ST3GAL4: variants seen among roughly 807,000 people sequenced by gnomAD.
ST3GAL4 encodes ST3 beta-galactoside alpha-2,3-sialyltransferase 4, also known as CMP-N-acetylneuraminate-beta-galactosamide-alpha-2,3-sialyltransferase 4.
A neutral mutation model predicts 42.6 loss-of-function variants in ST3GAL4; 24 were observed. The observed-to-expected ratio is 0.56, with a 90% CI of 0.41 to 0.79. The LOEUF (loss-of-function observed/expected upper bound fraction) is 0.79, where lower values mean the gene tolerates loss of function less well. Ranked by LOEUF, ST3GAL4 falls within the 30% of genes least tolerant of loss-of-function variation. The probability of loss-of-function intolerance (pLI) is 0.00; values close to 1 mark genes in which losing one functional copy is unlikely to be tolerated. For missense variants in ST3GAL4, 311 were observed against 430.8 expected, an observed-to-expected ratio of 0.72 and a Z score of 2.46; for synonymous variants, 135 against 163.2, an observed-to-expected ratio of 0.83 and a Z score of 1.32.
At position 126,409,488 on chromosome 11, in the gene ST3GAL4, GC is replaced by G; in HGVS notation, c.771+80del. ...AGGGATGATCCTATGGGCTTAGGAAGCCCTGGAAGGATCCCATAACAGAGGC... is the reference window on the plus strand; with the variant it reads ...AGGGATGATCCTATGGGCTTAGGAAGCCTGGAAGGATCCCATAACAGAGGC... On this transcript the variant is annotated intron_variant, in intron 9 of 10. Transcript: ENST00000444328. The surrounding 1 kb of genome is among the most constrained non-coding windows in gnomAD (Gnocchi z 4.9). 6.3e-7 allele frequency: 1 copy of G among 1,585,034 alleles called. No individual in the cohort carries two copies. The highest frequency in any genetic ancestry group is 8.6e-7 in the Non-Finnish European group (1 of 1,159,084).
In ST3GAL4 at chr11:126,373,736, A is replaced by G. The variant is rs1952736337; in HGVS notation, c.-61+17894A>G. 6.6e-6 allele frequency among the ~76,000 whole-genome samples: 1 copy of G among 152,030 alleles called. No individual in the cohort carries two copies. Among genetic ancestry groups the G allele is most frequent in the African/African-American group, 2.4e-5 (1 of 41,412 alleles). ...GTCAGACAGCTTGAGAGATGTTTCC[A>G]TCCTCCCATGCATGACCCTGAGGCA... On this transcript the variant is annotated intron_variant, in intron 1 of 10. Coordinates refer to ENST00000444328, the MANE Select transcript of ST3GAL4 (RefSeq NM_001254757.2). This position sits in a 1 kb window ranked among gnomAD's most constrained non-coding sequence, Gnocchi z 5.5.
At chr11:126,377,643 C>G (rs142684392) in intron 1 of ST3GAL4, among the ~76,000 whole-genome samples, 28 of 151,884 alleles carry the variant, frequency 1.8e-4, no homozygotes, top group African/African-American at 5.3e-4. Context: ...TGCCACCACA[C>G]CCGGCTAATT....
chr11:126,407,800 A>G (rs1373405709), intron 6 of ST3GAL4, among the ~76,000 whole-genome samples, 166 bp downstream of exon 6: 2 of 149,700 alleles, frequency 1.3e-5, no homozygotes, highest in Non-Finnish European at 3.0e-5. Flanking sequence ...CAGAGTGGGC[A>G]GAGGCTGCTC....
At chr11:126,362,695 G>A (rs1952287317) in intron 1 of ST3GAL4, among the ~76,000 whole-genome samples, 1 of 152,254 alleles carries the variant, frequency 6.6e-6, no homozygotes, top group Admixed American at 6.5e-5. Context: ...CTTTGTCCCC[G>A]TCCACTTACC....
At chr11:126,404,927 G>A (rs1481745269) in intron 1 of ST3GAL4, among the ~76,000 whole-genome samples, 3 of 152,208 alleles carry the variant, frequency 2.0e-5, no homozygotes, top group Admixed American at 6.5e-5. Flanking sequence ...AATGGACCAG[G>A]CCTCATCCAG....
chr11:126,358,172 A>G (rs1317073451), intron 1 of ST3GAL4, among the ~76,000 whole-genome samples: 2 of 152,236 alleles, frequency 1.3e-5, no homozygotes, highest in Non-Finnish European at 2.9e-5. Flanking sequence ...CCCCGAGCAA[A>G]CAGCCCCTGC....
chr11:126,367,127 G>A (rs1565394641), intron 1 of ST3GAL4, among the ~76,000 whole-genome samples: 1 of 152,134 alleles, frequency 6.6e-6, no homozygotes, highest in African/African-American at 2.4e-5. Context: ...TGAGGGATCC[G>A]TGTGCCAGCC....
Position 126,409,999 on chromosome 11 carries a change from C to A in ST3GAL4, c.771+588C>A, listed in dbSNP as rs952090201. Among the ~76,000 whole-genome samples, 1 of 152,156 alleles carries A rather than the reference C, an allele frequency of 6.6e-6. No homozygotes were observed. Among genetic ancestry groups the A allele is most frequent in the Non-Finnish European group, 1.5e-5 (1 of 68,036 alleles). Reference sequence around the variant, plus strand: ...CCCACTGTAACCTCAAACTTCCAGGCTCAGGTGATCCTTCTGCCTCAGCCT... The same window carrying A: ...CCCACTGTAACCTCAAACTTCCAGGATCAGGTGATCCTTCTGCCTCAGCCT... On this transcript the variant is annotated intron_variant, in intron 9 of 10. Transcript: ENST00000444328. This position sits in a 1 kb window ranked among gnomAD's most constrained non-coding sequence, Gnocchi z 4.9.
intron 9 of ST3GAL4, 104 bp from the exon 10 acceptor site, chr11:126,413,401 A>G: frequency 6.9e-7 from 1 of 1,448,302 alleles, no homozygotes; most frequent in Non-Finnish European, 9.2e-7. Flanking sequence ...GCGCAGATGG[A>G]GAACGTTTCC....
At chr11:126,389,786 T>A (rs745379656) in intron 1 of ST3GAL4, among the ~76,000 whole-genome samples, 18 of 152,114 alleles carry the variant, frequency 1.2e-4, no homozygotes, top group African/African-American at 4.1e-4. Context: ...GAAATCTTGC[T>A]ATGTTATCCA....
chr11:126,377,096 C>T (rs537495718), intron 1 of ST3GAL4, among the ~76,000 whole-genome samples: 1 of 152,254 alleles, frequency 6.6e-6, no homozygotes, highest in South Asian at 2.1e-4. Context: ...AGGCAGTGCC[C>T]ATCTAATGAA....
In ST3GAL4 at chr11:126,373,243, T is replaced by C. The variant is rs759450748; in HGVS notation, c.-61+17401T>C. ...GGTGCTGATTCTAGGAGGTACTGCA[T>C]CTAGAAAGATGGGAGGTGGGGAGTG... On this transcript the variant is annotated intron_variant, in intron 1 of 10. Coordinates refer to ENST00000444328, the MANE Select transcript of ST3GAL4 (RefSeq NM_001254757.2). This position sits in a 1 kb window ranked among gnomAD's most constrained non-coding sequence, Gnocchi z 5.5. Among the ~76,000 whole-genome samples, 23 of 152,156 alleles carry C rather than the reference T, an allele frequency of 1.5e-4. No individual in the cohort carries two copies. Among genetic ancestry groups the C allele is most frequent in the Non-Finnish European group, 2.8e-4 (19 of 68,020 alleles).
chr11:126,368,730 A>G (rs1375911180), intron 1 of ST3GAL4, among the ~76,000 whole-genome samples: 1 of 152,190 alleles, frequency 6.6e-6, no homozygotes, highest in East Asian at 1.9e-4. Context: ...ATGGAGAAAG[A>G]CAAACACTGG....
At chr11:126,382,558 G>A (rs1263059241) in intron 1 of ST3GAL4, among the ~76,000 whole-genome samples, 3 of 151,986 alleles carry the variant, frequency 2.0e-5, no homozygotes, top group East Asian at 1.9e-4. Context: ...AGGAGGAGGC[G>A]CTGGCCAGGA....
chr11:126,385,154 G>A (rs1756494081), intron 1 of ST3GAL4, among the ~76,000 whole-genome samples: 1 of 150,968 alleles, frequency 6.6e-6, no homozygotes, highest in Non-Finnish European at 1.5e-5. Flanking sequence ...CACCTGGTCA[G>A]TTTCTTTCTT....
In ST3GAL4 at chr11:126,411,484, G is replaced by A. The variant is rs569319669; in HGVS notation, c.772-2021G>A. The stretch of plus-strand genomic sequence containing the variant: ...CCTAACTAATACCACAAGTTTAGCC[G>A]GCTAAAACAATACCCATGTACTGGC... On this transcript the variant is annotated intron_variant, in intron 9 of 10. Transcript: ENST00000444328. This position sits in a 1 kb window ranked among gnomAD's most constrained non-coding sequence, Gnocchi z 6.3. Among the ~76,000 whole-genome samples the A allele has an allele frequency of 3.9e-5, 6 of 152,142 alleles. No homozygotes were observed. The South Asian group carries it at 6.2e-4, about 16-fold the overall frequency.
At position 126,407,234 on chromosome 11, in the gene ST3GAL4, G is replaced by A. The variant is rs1251304605; in HGVS notation, c.183-18G>A. 6.2e-7 allele frequency: 1 copy of A among 1,613,534 alleles called. No individual in the cohort carries two copies. The highest frequency in any genetic ancestry group is 1.7e-5 in the Admixed American group (1 of 60,024). On this transcript the variant is annotated intron_variant, in intron 4 of 10. Coordinates refer to ENST00000444328, the MANE Select transcript of ST3GAL4 (RefSeq NM_001254757.2). ...TTAATTCTGTTCTCATCCCCACCCG[G>A]CTTTCACCTCTGTGCAGCTACTCCC...
At chr11:126,364,163 G>A (rs1591415086) in intron 1 of ST3GAL4, among the ~76,000 whole-genome samples, 2 of 152,204 alleles carry the variant, frequency 1.3e-5, no homozygotes, top group Non-Finnish European at 1.5e-5. Flanking sequence ...GGCCCATTCC[G>A]GCTCCATATG....
rs1371512137 is a variant in ST3GAL4, at chr11:126,363,083, C to G, written c.-61+7241C>G. On this transcript the variant is annotated intron_variant, in intron 1 of 10. Coordinates refer to ENST00000444328, the MANE Select transcript of ST3GAL4 (RefSeq NM_001254757.2). This position sits in a 1 kb window ranked among gnomAD's most constrained non-coding sequence, Gnocchi z 4.6. ...TAAGATGAGTGGTCTAGAAATCCCTCCCCAGCTGGGCTGGACTGAATGAGG... is the reference window on the plus strand; with the variant it reads ...TAAGATGAGTGGTCTAGAAATCCCTGCCCAGCTGGGCTGGACTGAATGAGG... Among the ~76,000 whole-genome samples, 1 of 152,194 alleles carries G rather than the reference C, an allele frequency of 6.6e-6. No homozygotes were observed. Among genetic ancestry groups the G allele is most frequent in the Non-Finnish European group, 1.5e-5 (1 of 68,040 alleles).
Sources: gnomAD v4.1 joint callset for allele counts (sites outside exome capture counted in the v4.1 genomes callset) on GRCh38, gnomAD v4.1.1 for gene constraint, Gnocchi (gnomAD v3.1) non-coding constraint, MANE v1.5 for transcripts, NCBI Gene and HGNC (gene_info 2026-07-23, HGNC 2026-07-21) for gene names.